The following NEXN variants were observed in gnomAD, a reference collection of about 807,000 sequenced individuals.
NEXN encodes the protein nexilin.
Under a neutral mutation model 92.6 loss-of-function variants are expected in NEXN, and 65 were observed. The observed-to-expected ratio is 0.70, with a 90% confidence interval of 0.57 to 0.86. NEXN has a LOEUF of 0.86. NEXN is among the 40% of genes least tolerant of loss of function. The pLI, the probability that NEXN is intolerant of heterozygous loss-of-function variation, is 0.00. For synonymous variants in NEXN, 254 were observed against 242.5 expected, an observed-to-expected ratio of 1.05 and a Z score of -0.44; for missense variants, 778 against 771.1, an observed-to-expected ratio of 1.01 and a Z score of -0.11.
At chr1:77,918,334 T>C in intron 5 of NEXN, 61 bp downstream of exon 5, 2 of 1,507,784 alleles carry the variant, frequency 1.3e-6, no homozygotes, top group Non-Finnish European at 1.8e-6. Context: ...GTAAAACTAA[T>C]CAGTATGTTG....
chr1:77,921,183 AACAG>A (rs780483233), intron 5 of NEXN, among the ~76,000 whole-genome samples: 6 of 152,136 alleles, frequency 3.9e-5, no homozygotes, highest in Non-Finnish European at 7.4e-5. Flanking sequence ...AGCTCTTAAA[AACAG>A]ACAGACAAAC....
Position 77,925,283 on chromosome 1 carries a change from A to G in NEXN, c.489+54A>G, listed in dbSNP as rs1352149035. The G allele has an allele frequency of 4.0e-6, 5 of 1,245,744 alleles. No individual in the cohort carries two copies. The African/African-American group carries it at 7.4e-5, about 18-fold the overall frequency. 77.2% of individuals were successfully genotyped at this position (1,245,744 alleles called of 1,614,324 possible). ...TTCACCTAAAATTATCTGATTCACA[A>G]ATTATCTTTTAGTATAAGAAAAAAC... On this transcript the variant is annotated intron_variant, in intron 6 of 12. Coordinates refer to ENST00000334785, the MANE Select transcript of NEXN (RefSeq NM_144573.4).
In NEXN at chr1:77,917,475, AT is replaced by A. The variant is rs112597766; in HGVS notation, c.28-85del. 48,260 of 944,344 alleles carry A rather than the reference AT, an allele frequency of 0.051. 2,535 individuals carry two copies. The highest frequency in any genetic ancestry group is 0.23 in the African/African-American group (13,661 of 60,100). 58.5% of individuals were successfully genotyped at this position (944,344 alleles called of 1,614,324 possible). A position where few individuals can be genotyped will look rare whatever the true frequency, so the allele number is the denominator to read the frequency against. The stretch of plus-strand genomic sequence containing the variant: ...ATTTCTATTTTCTGTTTCAATAAAT[AT>A]TTTTTATATTGCTTATTCTTATCTA... On this transcript the variant is annotated intron_variant, in intron 2 of 12. Coordinates refer to ENST00000334785, the MANE Select transcript of NEXN (RefSeq NM_144573.4).
In NEXN at chr1:77,942,071, A is replaced by T; in HGVS notation, c.1522A>T (p.Thr508Ser). 6.2e-7 allele frequency: 1 copy of T among 1,613,704 alleles called. No individual in the cohort carries two copies. The highest frequency in any genetic ancestry group is 8.5e-7 in the Non-Finnish European group (1 of 1,179,696). Reference protein sequence around the residue: ...RPARKSEAPFTHKVNMKARFE... With the variant: ...RPARKSEAPFSHKVNMKARFE... ...TGCAAGAAAAAGCGAGGCTCCATTT[A>T]CTCACAAAGTGAATATGAAAGCTAG... is the stretch of plus-strand genomic sequence containing the variant. Residue 508 changes from threonine to serine, a missense_variant, in exon 12 of 13, where the codon ACT becomes TCT. Physicochemically the swap from Thr to Ser is moderately conservative, Grantham distance 58. This residue lies in a region of NEXN where 532 missense variants were observed against 476.7 expected (regional missense o/e 1.12). Transcript: ENST00000334785.
Position 77,916,071 on chromosome 1 carries a change from A to T in NEXN, c.-36A>T. On this transcript the variant is annotated 5_prime_UTR_variant, in exon 2 of 13. Coordinates refer to ENST00000334785, the MANE Select transcript of NEXN (RefSeq NM_144573.4). ...TTTTTTCAGGTGCAAATATATACAG[A>T]GCTTCATAATCAGCCCAAGACCACA... The T allele has an allele frequency of 6.5e-7, 1 of 1,534,314 alleles. No individual in the cohort carries two copies.
intron 10 of NEXN, among the ~76,000 whole-genome samples, chr1:77,934,777 T>A (rs1650611763): frequency 6.6e-6 from 1 of 152,224 alleles, no homozygotes; most frequent in Non-Finnish European, 1.5e-5. Flanking sequence ...GGGTCTAAGA[T>A]GTAGCCTCAT....
intron 1 of NEXN, among the ~76,000 whole-genome samples, chr1:77,897,167 G>C (rs1285318849): frequency 6.6e-6 from 1 of 152,198 alleles, no homozygotes; most frequent in Admixed American, 6.5e-5. Flanking sequence ...TATGAGGCCA[G>C]CATCATCCTG....
Position 77,926,767 on chromosome 1 carries a change from T to C in NEXN, c.739T>C (p.Leu247=), listed in dbSNP as rs781118443. 1.4e-5 allele frequency: 22 copies of C among 1,613,298 alleles called. No individual in the cohort carries two copies. Among genetic ancestry groups the C allele is most frequent in the Middle Eastern group, 3.3e-4 (2 of 6,082 alleles). Reference sequence around the variant, plus strand: ...AAAAGAATCACTTTCTCCCGGAAAATTGAAACTAACTTTTGAAGAACTGGA... The same window carrying C: ...AAAAGAATCACTTTCTCCCGGAAAACTGAAACTAACTTTTGAAGAACTGGA... ...AKKESLSPGK[L]KLTFEELERQ... is the part of the protein sequence containing the mutation. The change falls in exon 8 of 13, where the codon TTG becomes CTG. Residue 247 remains leucine (L), a synonymous_variant. Coordinates refer to ENST00000334785, the MANE Select transcript of NEXN (RefSeq NM_144573.4).
intron 11 of NEXN, among the ~76,000 whole-genome samples, chr1:77,939,271 G>A (rs1368571750): frequency 6.6e-6 from 1 of 152,182 alleles, no homozygotes; most frequent in East Asian, 1.9e-4. Context: ...GTTTTGGCAT[G>A]TAAAGTTTGA....
intron 1 of NEXN, among the ~76,000 whole-genome samples, chr1:77,909,735 A>G (rs1446537273): frequency 6.6e-6 from 1 of 152,190 alleles, no homozygotes; most frequent in Non-Finnish European, 1.5e-5. Flanking sequence ...CCCATAAAGA[A>G]AACTTCAGTC....
chr1:77,899,996 T>G (rs182467382), intron 1 of NEXN, among the ~76,000 whole-genome samples: 1 of 152,304 alleles, frequency 6.6e-6, no homozygotes, highest in Non-Finnish European at 1.5e-5. Context: ...TTTTCTTTTC[T>G]TTCTAGGATA....
At chr1:77,938,589 CA>C (rs11286873) in intron 11 of NEXN, among the ~76,000 whole-genome samples, 87,505 of 119,134 alleles carry the variant, frequency 0.73, 30,518 homozygotes, top group Middle Eastern at 0.83. Context: ...AAGACTGTCT[CA>C]AAAAAAAAAA....
intron 10 of NEXN, among the ~76,000 whole-genome samples, chr1:77,934,559 CTG>C (rs1650593349): frequency 6.6e-6 from 1 of 152,260 alleles, no homozygotes; most frequent in African/African-American, 2.4e-5. Flanking sequence ...AAGCTTTACG[CTG>C]TCTTTCCTGC....
chr1:77,935,978 A>G lies in NEXN; in HGVS notation c.1407A>G (p.Glu469=). 2 of 1,614,022 alleles carry G rather than the reference A, an allele frequency of 1.2e-6. No individual in the cohort carries two copies. Among genetic ancestry groups the G allele is most frequent in the Non-Finnish European group, 1.7e-6 (2 of 1,179,992 alleles). ...SEKEIQKKIE[E]ERARRRAIDL... is the part of the protein sequence containing the mutation. The stretch of plus-strand genomic sequence containing the variant: ...AAGAAATACAGAAAAAAATAGAAGA[A>G]GAGCGAGCAAGAAGGAGAGCAATTG... Residue 469 remains glutamate, a synonymous_variant, in exon 11 of 13, where the codon GAA becomes GAG. Coordinates refer to ENST00000334785, the MANE Select transcript of NEXN (RefSeq NM_144573.4).
intron 1 of NEXN, among the ~76,000 whole-genome samples, chr1:77,891,850 A>T (rs1422322608): frequency 6.6e-6 from 1 of 151,174 alleles, no homozygotes; most frequent in Non-Finnish European, 1.5e-5. Context: ...GGCTGAGGCG[A>T]GAGGATCCCT....
chr1:77,894,322 T>C (rs1297009591), intron 1 of NEXN, among the ~76,000 whole-genome samples: 1 of 152,196 alleles, frequency 6.6e-6, no homozygotes, highest in East Asian at 1.9e-4. Flanking sequence ...CTACTTCGTA[T>C]AGGTGAAATA....
intron 10 of NEXN, among the ~76,000 whole-genome samples, chr1:77,934,283 T>C (rs1166006756): frequency 2.0e-5 from 3 of 152,144 alleles, no homozygotes; most frequent in Admixed American, 2.0e-4. Context: ...GTGCTGGTTA[T>C]TACAGGCATG....
intron 11 of NEXN, among the ~76,000 whole-genome samples, chr1:77,937,082 GGTGGGTCACTTGA>G (rs145067400): frequency 0.047 from 7,183 of 152,188 alleles, 227 homozygotes; most frequent in East Asian, 0.11. Flanking sequence ...GGCCGAGGTG[GGTGGGTCACTTGA>G]GCCATTTCAA....
intron 1 of NEXN, among the ~76,000 whole-genome samples, chr1:77,897,673 G>T (rs1647343502): frequency 6.6e-6 from 1 of 152,164 alleles, no homozygotes; most frequent in African/African-American, 2.4e-5. Flanking sequence ...AATTAGGCAG[G>T]AGAAGGAAAT....
Sources: gnomAD v4.1 joint callset for allele counts (sites outside exome capture counted in the v4.1 genomes callset) on GRCh38, gnomAD v4.1.1 for gene constraint, gnomAD v4.1.1 regional missense constraint, MANE v1.5 for transcripts, NCBI Gene and HGNC (gene_info 2026-07-23, HGNC 2026-07-21) for gene names.